ZNF696: variants seen among roughly 807,000 people sequenced by gnomAD.
ZNF696 encodes the protein zinc finger protein 696.
Under a neutral mutation model 12.3 loss-of-function variants are expected in ZNF696, and 10 were observed. That is an observed-to-expected ratio of 0.81 (90% CI 0.50 to 1.38). The LOEUF is 1.38. Among genes scored for constraint, ZNF696 ranks in the 40% most tolerant of loss-of-function variants. The pLI, the probability that ZNF696 is intolerant of heterozygous loss-of-function variation, is 0.00. For missense variants in ZNF696, 675 were observed against 554.7 expected, an observed-to-expected ratio of 1.22 and a Z score of -2.18; for synonymous variants, 304 against 243.9, an observed-to-expected ratio of 1.25 and a Z score of -2.29.
At position 143,292,981 on chromosome 8, in the gene ZNF696, C is replaced by T; in HGVS notation, c.-21C>T. 1 of 1,613,214 alleles carries T rather than the reference C, an allele frequency of 6.2e-7. No homozygotes were observed. Among genetic ancestry groups the T allele is most frequent in the Non-Finnish European group, 8.5e-7 (1 of 1,179,744 alleles). On this transcript the variant is annotated 5_prime_UTR_variant, in exon 2 of 3. Transcript: ENST00000330143. ...TCTTTTACCTAAGCAGAAATTGTTC[C>T]AACTGCTGGTGTTCTGCAAGATGGA...
At chr8:143,295,218 C>T (rs1471946506) in intron 2 of ZNF696, among the ~76,000 whole-genome samples, 2 of 152,206 alleles carry the variant, frequency 1.3e-5, no homozygotes, top group African/African-American at 4.8e-5. Context: ...GCCTCCTTTG[C>T]TTTCCCAGCT....
At position 143,296,492 on chromosome 8, in the gene ZNF696, G is replaced by T; in HGVS notation, c.817G>T (p.Ala273Ser). 6.2e-7 allele frequency: 1 copy of T among 1,608,716 alleles called. No homozygotes were observed. Among genetic ancestry groups the T allele is most frequent in the Non-Finnish European group, 8.5e-7 (1 of 1,179,208 alleles). ...GTACGAGTGCCGGGAGTGCGGCCAG[G>T]CCTTCAGCCAGAGCTCCAACCTCCT... ...NPYECRECGQ[A>S]FSQSSNLLQH... The change falls in exon 3 of 3, where the codon GCC (alanine) becomes TCC (serine). Residue 273 changes from alanine (A) to serine (S), a missense_variant. Physicochemically the swap from Ala to Ser is moderately conservative, Grantham distance 99. Transcript: ENST00000330143.
intron 2 of ZNF696, chr8:143,295,300 G>A: frequency 2.2e-6 from 1 of 456,166 alleles, no homozygotes; most frequent in Non-Finnish European, 4.4e-6. Flanking sequence ...GGTGGGCCGA[G>A]GCTAGAGGTT....
Position 143,291,507 on chromosome 8 carries a change from A to C in ZNF696, c.-291A>C. 1 of 985,358 alleles carries C rather than the reference A, an allele frequency of 1.0e-6. No individual in the cohort carries two copies. The allele number at this position is 985,358 out of a possible 1,614,324, so 61.0% of individuals were successfully genotyped here. On this transcript the variant is annotated 5_prime_UTR_variant, in exon 1 of 3. Coordinates refer to ENST00000330143, the MANE Select transcript of ZNF696 (RefSeq NM_030895.3). ...CGGGAGGGCTGAGGGCGCGGCCGAG[A>C]GAACGGGGCGGTCACCGCCGCCGTG...
At chr8:143,295,042 A>G (rs1815684178) in intron 2 of ZNF696, among the ~76,000 whole-genome samples, 1 of 152,094 alleles carries the variant, frequency 6.6e-6, no homozygotes, top group East Asian at 1.9e-4. Context: ...TGATGGTACC[A>G]CTGCACTCCA....
intron 2 of ZNF696, among the ~76,000 whole-genome samples, chr8:143,294,561 A>G (rs533945352): frequency 6.6e-6 from 1 of 151,746 alleles, no homozygotes; most frequent in Non-Finnish European, 1.5e-5. Flanking sequence ...TTGTATTTTT[A>G]TTAGAGATAG....
rs1815721587 is a variant in ZNF696 at position 143,296,617 on chromosome 8, C to T, written c.942C>T (p.Ile314=). The change falls in exon 3 of 3, where the codon ATC becomes ATT. Residue 314 remains isoleucine (I), a synonymous_variant. Coordinates refer to ENST00000330143, the MANE Select transcript of ZNF696 (RefSeq NM_030895.3). ...CCTTCCTCCGCGAGCACCGCCGCAT[C>T]CACACCGGGGAGAAGCCCCACCAGT... ...RSSFLREHRR[I]HTGEKPHQCG... 6.3e-7 allele frequency: 1 copy of T among 1,586,568 alleles called. No homozygotes were observed. The highest frequency in any genetic ancestry group is 8.5e-7 in the Non-Finnish European group (1 of 1,172,694).
Position 143,294,030 on chromosome 8 carries a change from C to T in ZNF696, c.64+965C>T, listed in dbSNP as rs555984967. 7.9e-5 allele frequency among the ~76,000 whole-genome samples: 12 copies of T among 152,284 alleles called. No individual in the cohort carries two copies. In the South Asian group the frequency reaches 1.9e-3, roughly 24 times the overall value. Reference sequence around the variant, plus strand: ...AGCCGCTTCTCCTCTGCTGCCACAGCGGACTGCCTGCAGACTGAGAAGTCC... The same window carrying T: ...AGCCGCTTCTCCTCTGCTGCCACAGTGGACTGCCTGCAGACTGAGAAGTCC... On this transcript the variant is annotated intron_variant, in intron 2 of 2. Coordinates refer to ENST00000330143, the MANE Select transcript of ZNF696 (RefSeq NM_030895.3).
rs376357025 is a variant in ZNF696 at position 143,295,957 on chromosome 8, G to C, written c.282G>C (p.Glu94Asp). 1.3e-6 allele frequency: 2 copies of C among 1,574,384 alleles called. No individual in the cohort carries two copies. Among genetic ancestry groups the C allele is most frequent in the Non-Finnish European group, 1.7e-6 (2 of 1,159,798 alleles). The change falls in exon 3 of 3, where the codon GAG (glutamate) becomes GAC (aspartate). Residue 94 changes from glutamate to aspartate, a missense_variant. Glu to Asp is a conservative substitution (Grantham distance 45). Coordinates refer to ENST00000330143, the MANE Select transcript of ZNF696 (RefSeq NM_030895.3). ...CCCCTCGAGGCCCGGTCACTTCTGA[G>C]AAAACTGGAGGACAGAGTGGCCTCG... Reference protein sequence around the residue: ...GGSPRGPVTSEKTGGQSGLES... With the variant: ...GGSPRGPVTSDKTGGQSGLES...
At chr8:143,293,239 T>C in intron 2 of ZNF696, 174 bp downstream of exon 2, 1 of 610,352 alleles carries the variant, frequency 1.6e-6, no homozygotes, top group Non-Finnish European at 2.9e-6. Flanking sequence ...ATCTGTTTGG[T>C]GACTGTCTTT....
intron 2 of ZNF696, chr8:143,293,297 T>A: frequency 1.7e-6 from 1 of 580,544 alleles, no homozygotes; most frequent in Non-Finnish European, 3.0e-6. Flanking sequence ...AGCCCCAGGC[T>A]CTGCCTCTGG....
At position 143,298,806 on chromosome 8, in the gene ZNF696, C is replaced by T. The variant is rs566731826; in HGVS notation, c.*2006C>T. ...AGGTGCAGTGGTTCATGCCTATAAT[C>T]CCAACACTTTGGGAGGCCTAAGGGG... On this transcript the variant is annotated 3_prime_UTR_variant, in exon 3 of 3. Coordinates refer to ENST00000330143, the MANE Select transcript of ZNF696 (RefSeq NM_030895.3). 6.6e-6 allele frequency among the ~76,000 whole-genome samples: 1 copy of T among 152,300 alleles called. No individual in the cohort carries two copies. The highest frequency in any genetic ancestry group is 2.1e-4 in the South Asian group (1 of 4,822).
chr8:143,293,087 C>G (rs201737073), intron 2 of ZNF696, 22 bp downstream of exon 2: 1 of 1,599,034 alleles, frequency 6.3e-7, no homozygotes, highest in African/African-American at 1.3e-5. Flanking sequence ...TGTCCACAGT[C>G]GGGCCCAGAG....
chr8:143,292,932 CCTGG>C, intron 1 of ZNF696, 36 bp from the exon 2 acceptor site: 4 of 1,561,824 alleles, frequency 2.6e-6, no homozygotes, highest in Non-Finnish European at 3.5e-6. Flanking sequence ...TGTACCTAGC[CCTGG>C]CTGTGATTTA....
In ZNF696 at chr8:143,296,677, G is replaced by T. The variant is rs1228693599; in HGVS notation, c.1002G>T (p.Ser334=). Residue 334 remains serine (S), a synonymous_variant, in exon 3 of 3, where the codon TCG becomes TCT. Transcript: ENST00000330143. ...GHCGRAFRAL[S]GFFRHQRLHT... ...GCGGGCGCGCGTTCCGGGCGCTGTCGGGCTTCTTCCGGCACCAGCGACTCC... is the reference window on the plus strand; with the variant it reads ...GCGGGCGCGCGTTCCGGGCGCTGTCTGGCTTCTTCCGGCACCAGCGACTCC... 6.4e-7 allele frequency: 1 copy of T among 1,569,600 alleles called. No individual in the cohort carries two copies. Among genetic ancestry groups the T allele is most frequent in the East Asian group, 2.3e-5 (1 of 42,822 alleles).
chr8:143,294,328 G>T (rs538489895), intron 2 of ZNF696, among the ~76,000 whole-genome samples: 1 of 152,164 alleles, frequency 6.6e-6, no homozygotes. Flanking sequence ...CGCCGCCGCC[G>T]CCCAGCCCAC....
chr8:143,293,213 A>T, intron 2 of ZNF696, 148 bp downstream of exon 2: 2 of 645,064 alleles, frequency 3.1e-6, no homozygotes, highest in Non-Finnish European at 5.5e-6. Flanking sequence ...ACGCAGGCCC[A>T]TCAGATCTCC....
rs1187319533 is a variant in ZNF696 at position 143,299,164 on chromosome 8, A to T, written c.*2364A>T. Reference sequence around the variant, plus strand: ...AAAAGAGCAAAACTCCATCTTAAAAAAATAAATAAATAAAGGAAAATGAGC... The same window carrying T: ...AAAAGAGCAAAACTCCATCTTAAAATAATAAATAAATAAAGGAAAATGAGC... On this transcript the variant is annotated 3_prime_UTR_variant, in exon 3 of 3. Coordinates refer to ENST00000330143, the MANE Select transcript of ZNF696 (RefSeq NM_030895.3). 6.6e-6 allele frequency among the ~76,000 whole-genome samples: 1 copy of T among 152,090 alleles called. No homozygotes were observed. Among genetic ancestry groups the T allele is most frequent in the African/African-American group, 2.4e-5 (1 of 41,436 alleles).
Position 143,297,975 on chromosome 8 carries a change from T to A in ZNF696, c.*1175T>A, listed in dbSNP as rs1815748908. On this transcript the variant is annotated 3_prime_UTR_variant, in exon 3 of 3. Transcript: ENST00000330143. ...TTTCCTGTAAAATATTTTCATTTTT[T>A]AAAATGTTATTTTCTAGATAGAAAA... 6.6e-6 allele frequency: 1 copy of A among 152,256 alleles called. No individual in the cohort carries two copies. Among genetic ancestry groups the A allele is most frequent in the South Asian group, 2.1e-4 (1 of 4,830 alleles). The allele number at this position is 152,256 out of a possible 1,614,324, so 9.4% of individuals were successfully genotyped here.
Sources: allele counts gnomAD v4.1 joint callset (sites outside exome capture counted in the v4.1 genomes callset), GRCh38; gene constraint gnomAD v4.1.1; transcripts MANE v1.5; gene names NCBI Gene and HGNC (gene_info 2026-07-23, HGNC 2026-07-21).